CFI: variants seen among roughly 807,000 people sequenced by gnomAD.
The protein encoded by CFI is C3B/C4B inactivator.
In CFI, 66 loss-of-function variants were observed where a neutral mutation model predicts 78.8. The observed-to-expected ratio is 0.84, with a 90% CI of 0.69 to 1.03. The LOEUF (loss-of-function observed/expected upper bound fraction) is 1.03, where lower values mean the gene tolerates loss of function less well. Among genes scored for constraint, CFI ranks in the 50% least tolerant of loss-of-function variants. The pLI, the probability that CFI is intolerant of heterozygous loss-of-function variation, is 0.00. For missense variants in CFI, 706 were observed against 704.5 expected, an observed-to-expected ratio of 1.00 and a Z score of -0.02; for synonymous variants, 250 against 232.6, an observed-to-expected ratio of 1.07 and a Z score of -0.68.
intron 1 of CFI, among the ~76,000 whole-genome samples, chr4:109,791,955 C>T (rs1033779861): frequency 6.6e-6 from 1 of 152,138 alleles, no homozygotes; most frequent in South Asian, 2.1e-4. Flanking sequence ...TGTTTAATTT[C>T]CACATATTTG....
At chr4:109,749,702 G>T in intron 8 of CFI, 100 bp from the exon 9 acceptor site, 2 of 761,622 alleles carry the variant, frequency 2.6e-6, no homozygotes, top group African/African-American at 1.7e-5. Flanking sequence ...GAGAGTCACA[G>T]CCAGTACAAG....
At position 109,749,532 on chromosome 4, in the gene CFI, C is replaced by T. The variant is rs1724885300; in HGVS notation, c.1011G>A (p.Arg337=). The change falls in exon 9 of 13, where the codon AGG becomes AGA. Residue 337 remains arginine, a synonymous_variant. Coordinates refer to ENST00000394634, the MANE Select transcript of CFI (RefSeq NM_000204.5). The stretch of plus-strand genomic sequence containing the variant: ...CTCGCTTTCCTCCCACAATTCGTTT[C>T]CTTCGAATGTGCATTCTGTTTTTAA... The part of the protein sequence containing the change: ...CGVKNRMHIR[R]KRIVGGKRAQ... 6.2e-7 allele frequency: 1 copy of T among 1,613,772 alleles called. No homozygotes were observed. Among genetic ancestry groups the T allele is most frequent in the Non-Finnish European group, 8.5e-7 (1 of 1,179,698 alleles).
At chr4:109,764,246 G>A (rs1727445791) in intron 3 of CFI, 2 of 453,994 alleles carry the variant, frequency 4.4e-6, no homozygotes, top group South Asian at 2.2e-5. Context: ...GTACATAATT[G>A]TAGACGAGTA....
intron 11 of CFI, among the ~76,000 whole-genome samples, chr4:109,743,898 T>C (rs879630539): frequency 3.0e-4 from 45 of 151,916 alleles, no homozygotes; most frequent in Admixed American, 1.1e-3. Flanking sequence ...GGTGGGAGGA[T>C]CGCTTGAGCC....
intron 8 of CFI, 92 bp from the exon 9 acceptor site, chr4:109,749,694 G>A: frequency 1.2e-6 from 1 of 803,044 alleles, no homozygotes; most frequent in South Asian, 1.4e-5. Context: ...AAAAACAGGA[G>A]AGTCACAGCC....
At chr4:109,755,202 T>C (rs1014812521) in intron 7 of CFI, among the ~76,000 whole-genome samples, 3 of 152,126 alleles carry the variant, frequency 2.0e-5, no homozygotes, top group East Asian at 1.9e-4. Flanking sequence ...CTCAGAATCA[T>C]TGGTTAATAT....
intron 1 of CFI, among the ~76,000 whole-genome samples, chr4:109,784,664 A>G (rs1284647208): frequency 1.3e-5 from 2 of 152,110 alleles, no homozygotes; most frequent in Non-Finnish European, 2.9e-5. Flanking sequence ...AAATAATGAA[A>G]AGCTAATCAG....
At chr4:109,752,772 G>T (rs1347711106) in intron 7 of CFI, among the ~76,000 whole-genome samples, 1 of 148,748 alleles carries the variant, frequency 6.7e-6, no homozygotes, top group East Asian at 1.9e-4. Context: ...GACTCATGGT[G>T]TCACAGTTTC....
rs1723706858 is a variant in CFI at position 109,740,925 on chromosome 4, C to CT, written c.1719dup (p.Gly574ArgfsTer14). On this transcript the variant is annotated frameshift_variant, in exon 13 of 13. Coordinates refer to ENST00000394634, the MANE Select transcript of CFI (RefSeq NM_000204.5). LOFTEE classifies it high-confidence loss of function. Reference sequence around the variant, plus strand: ...TTGTACTGAGAAATAAAAGGCCTTCCTACATGGTAGCTAATCCAGTCAAAA... The same window carrying CT: ...TTGTACTGAGAAATAAAAGGCCTTCCTTACATGGTAGCTAATCCAGTCAAAA... 6.2e-7 allele frequency: 1 copy of CT among 1,614,068 alleles called. No individual in the cohort carries two copies. Among genetic ancestry groups the CT allele is most frequent in the Non-Finnish European group, 8.5e-7 (1 of 1,179,932 alleles).
chr4:109,748,427 T>C (rs538775417), intron 10 of CFI, among the ~76,000 whole-genome samples: 2 of 152,264 alleles, frequency 1.3e-5, no homozygotes, highest in Non-Finnish European at 2.9e-5. Context: ...GAAAATAATA[T>C]GTTCTACCAT....
At position 109,801,945 on chromosome 4, in the gene CFI, T is replaced by C; in HGVS notation, c.27A>G (p.Leu9=). 1 of 1,612,776 alleles carries C rather than the reference T, an allele frequency of 6.2e-7. No individual in the cohort carries two copies. Among genetic ancestry groups the C allele is most frequent in the Non-Finnish European group, 8.5e-7 (1 of 1,179,040 alleles). Residue 9 remains leucine (L), a synonymous_variant, in exon 1 of 13, where the codon TTA becomes TTG. Coordinates refer to ENST00000394634, the MANE Select transcript of CFI (RefSeq NM_000204.5). MKLLHVFL[L]FLCFHLRFCK... ...AAAACCTTAAGTGGAAGCACAGAAA[T>C]AACAGGAAAACATGAAGAAGCTTCA...
chr4:109,798,646 T>C (rs1309213991), intron 1 of CFI, among the ~76,000 whole-genome samples: 1 of 151,996 alleles, frequency 6.6e-6, no homozygotes, highest in African/African-American at 2.4e-5. Context: ...TAATTTTTGG[T>C]TGAAAATTTT....
Position 109,764,472 on chromosome 4 carries a change from G to A in CFI, c.482+65C>T. The A allele has an allele frequency of 1.9e-6, 3 of 1,545,876 alleles. No homozygotes were observed. In the South Asian group the frequency reaches 3.3e-5, roughly 17 times the overall value. ...GGAAATTAATACACAGAAAGGTTAG[G>A]TAATCAAAAAGCAAACAGAACAATT... On this transcript the variant is annotated intron_variant, in intron 3 of 12. Coordinates refer to ENST00000394634, the MANE Select transcript of CFI (RefSeq NM_000204.5).
chr4:109,792,899 T>A (rs1218601337), intron 1 of CFI, among the ~76,000 whole-genome samples: 1 of 152,216 alleles, frequency 6.6e-6, no homozygotes, highest in African/African-American at 2.4e-5. Flanking sequence ...ATAATAATTT[T>A]AAAAAACTGA....
chr4:109,797,977 CAT>C (rs1233131906), intron 1 of CFI, among the ~76,000 whole-genome samples: 3 of 152,106 alleles, frequency 2.0e-5, no homozygotes, highest in Non-Finnish European at 4.4e-5. Context: ...GTGGTATATA[CAT>C]GCAATGAAAT....
rs60490705 is a variant in CFI, at chr4:109,771,550, CA to C, written c.58-4727del. Among the ~76,000 whole-genome samples, 1,098 of 132,634 alleles carry C rather than the reference CA, an allele frequency of 8.3e-3. 12 individuals are homozygous for C. The highest frequency in any genetic ancestry group is 0.021 in the African/African-American group (767 of 37,222). 87.0% of individuals were successfully genotyped at this position (132,634 alleles called of 152,430 possible). A position where few individuals can be genotyped will look rare whatever the true frequency, so the allele number is the denominator to read the frequency against. ...TGAAACCCCATCTCTACTAAAAATA[CA>C]AAAAAAAAAAAAATTAGCCGGGCGT... On this transcript the variant is annotated intron_variant, in intron 1 of 12. Transcript: ENST00000394634.
At chr4:109,788,128 C>T (rs1186975020) in intron 1 of CFI, among the ~76,000 whole-genome samples, 1 of 152,006 alleles carries the variant, frequency 6.6e-6, no homozygotes, top group African/African-American at 2.4e-5. Context: ...CCGCAAAGGG[C>T]AGTTAGATAG....
At chr4:109,796,695 G>T (rs1732100634) in intron 1 of CFI, among the ~76,000 whole-genome samples, 1 of 152,196 alleles carries the variant, frequency 6.6e-6, no homozygotes. Context: ...TTACTTGAGA[G>T]GCTGGGGTAG....
At chr4:109,773,499 A>G (rs533535349) in intron 1 of CFI, among the ~76,000 whole-genome samples, 3 of 152,194 alleles carry the variant, frequency 2.0e-5, no homozygotes, top group Non-Finnish European at 4.4e-5. Flanking sequence ...CTGGCGACAG[A>G]GTAAGATTCC....
Sources: gnomAD v4.1 joint callset for allele counts (sites outside exome capture counted in the v4.1 genomes callset) on GRCh38, gnomAD v4.1.1 for gene constraint, MANE v1.5 for transcripts, NCBI Gene and HGNC (gene_info 2026-07-23, HGNC 2026-07-21) for gene names.